Variants in HDAC9 observed in about 807,000 individuals in gnomAD.
HDAC9 encodes MEF-2 interacting transcription repressor (MITR) protein.
HDAC9 carries 41 observed loss-of-function variants against 139.4 expected under a neutral mutation model. The ratio of observed to expected loss-of-function variants is 0.29; its 90% CI spans 0.23 to 0.38. The LOEUF is 0.38. Ranked by LOEUF, HDAC9 falls within the 10% of genes least tolerant of loss-of-function variation. The pLI is 1.00. For missense variants in HDAC9, 1,147 were observed against 1,297.0 expected (o/e 0.88, Z 1.78); for synonymous variants, 517 against 476.2 (o/e 1.09, Z -1.12).
chr7:18,550,270 A>G (rs1816676674), intron 2 of HDAC9, among the ~76,000 whole-genome samples: 1 of 152,062 alleles, frequency 6.6e-6, no homozygotes, highest in South Asian at 2.1e-4. Flanking sequence ...CTATTCTTCT[A>G]TTTTTTACTG....
intron 6 of HDAC9, among the ~76,000 whole-genome samples, chr7:18,603,533 A>G (rs1355944191): frequency 3.3e-5 from 5 of 152,108 alleles, no homozygotes; most frequent in Non-Finnish European, 7.4e-5. Context: ...ACTTTCAAAT[A>G]ACAGTATACC....
intron 22 of HDAC9, among the ~76,000 whole-genome samples, chr7:18,920,794 A>G (rs186793685): frequency 0.014 from 2,155 of 152,234 alleles, 50 homozygotes; most frequent in African/African-American, 0.049. Flanking sequence ...GCTGGATTAC[A>G]TTTATTGATT....
At chr7:18,187,080 A>G (rs1395617529) in intron 2 of HDAC9, among the ~76,000 whole-genome samples, 1 of 152,226 alleles carries the variant, frequency 6.6e-6, no homozygotes, top group East Asian at 1.9e-4. Flanking sequence ...GAATTATAGC[A>G]GTAATAATTT....
chr7:18,255,021 G>A (rs956696589), intron 2 of HDAC9, among the ~76,000 whole-genome samples: 8 of 152,130 alleles, frequency 5.3e-5, no homozygotes, highest in African/African-American at 1.9e-4. Flanking sequence ...TATGATAAAA[G>A]TGACTTGTTT....
intron 13 of HDAC9, among the ~76,000 whole-genome samples, chr7:18,745,956 A>G (rs1787934010): frequency 6.8e-6 from 1 of 146,126 alleles, no homozygotes; most frequent in African/African-American, 2.6e-5. Flanking sequence ...CAGTGGCTCA[A>G]TCACTGCTCA....
At chr7:18,481,549 G>C (rs1271894142) in intron 1 of HDAC9, among the ~76,000 whole-genome samples, 1 of 152,138 alleles carries the variant, frequency 6.6e-6, no homozygotes, top group Non-Finnish European at 1.5e-5. Flanking sequence ...TTTACTTTGA[G>C]TACCAGGGTA....
At chr7:18,422,738 ACACGCG>A (rs1412242058) in intron 1 of HDAC9, among the ~76,000 whole-genome samples, 9 of 18,508 alleles carry the variant, frequency 4.9e-4, no homozygotes, top group South Asian at 4.8e-3. Flanking sequence ...TAAGACACAC[ACACGCG>A]CACACACACA....
chr7:18,136,711 G>C (rs1329949288), intron 1 of HDAC9, among the ~76,000 whole-genome samples: 3 of 151,388 alleles, frequency 2.0e-5, no homozygotes, highest in Non-Finnish European at 4.4e-5. Context: ...CTGTAGCCTT[G>C]TAGTATAGTT....
rs568700230 is a variant in HDAC9 at position 18,396,671 on chromosome 7, C to G, written c.-41-99591C>G. Reference sequence around the variant, plus strand: ...GACAATGCCCCTAAGTTTCACACTCCTTTACGCAGACCAGGCTTAAAAATT... The same window carrying G: ...GACAATGCCCCTAAGTTTCACACTCGTTTACGCAGACCAGGCTTAAAAATT... On this transcript the variant is annotated intron_variant, in intron 1 of 3. Coordinates refer to the HDAC9 transcript ENST00000413509. 4.3e-3 allele frequency among the ~76,000 whole-genome samples: 648 copies of G among 152,244 alleles called. 3 individuals are homozygous for G. Among genetic ancestry groups the G allele is most frequent in the African/African-American group, 0.015 (626 of 41,554 alleles).
intron 2 of HDAC9, among the ~76,000 whole-genome samples, chr7:18,504,990 G>T (rs368400330): frequency 6.6e-6 from 1 of 152,170 alleles, no homozygotes; most frequent in Non-Finnish European, 1.5e-5. Context: ...ATCCTGGGAG[G>T]TTTAAGGCAC....
chr7:18,369,665 C>T (rs564018054), intron 1 of HDAC9, among the ~76,000 whole-genome samples: 2 of 151,952 alleles, frequency 1.3e-5, no homozygotes, highest in South Asian at 2.1e-4. Context: ...TACAGGAGGC[C>T]GATTAGGTCA....
intron 1 of HDAC9, among the ~76,000 whole-genome samples, chr7:18,448,404 A>C (rs1238354999): frequency 6.6e-6 from 1 of 152,246 alleles, no homozygotes; most frequent in Non-Finnish European, 1.5e-5. Context: ...GAAAGCATTA[A>C]AAGAAAAAAT....
At chr7:18,095,185 A>T (rs1782428397) in intron 1 of HDAC9, among the ~76,000 whole-genome samples, 1 of 152,162 alleles carries the variant, frequency 6.6e-6, no homozygotes, top group East Asian at 1.9e-4. Context: ...CACTGGGCCC[A>T]GTGTATGTCC....
At chr7:18,693,868 T>C (rs2129099356) in intron 12 of HDAC9, among the ~76,000 whole-genome samples, 1 of 152,282 alleles carries the variant, frequency 6.6e-6, no homozygotes, top group African/African-American at 2.4e-5. Flanking sequence ...GGGGAGCTCA[T>C]AACTGCTTTT....
At chr7:18,170,198 CT>C (rs1314706566) in intron 2 of HDAC9, among the ~76,000 whole-genome samples, 9 of 152,202 alleles carry the variant, frequency 5.9e-5, no homozygotes, top group Admixed American at 2.6e-4. Flanking sequence ...ATTTGCATTT[CT>C]CTGATGACCA....
At chr7:18,321,877 TA>T (rs969689702) in intron 1 of HDAC9, among the ~76,000 whole-genome samples, 1 of 152,166 alleles carries the variant, frequency 6.6e-6, no homozygotes, top group Non-Finnish European at 1.5e-5. Flanking sequence ...AGAATTTATA[TA>T]AAAAGTAGGG....
intron 1 of HDAC9, among the ~76,000 whole-genome samples, chr7:18,407,609 A>G (rs1334113418): frequency 6.6e-6 from 1 of 152,220 alleles, no homozygotes; most frequent in Non-Finnish European, 1.5e-5. Context: ...GAATGTGGGT[A>G]GGCACTTAAT....
chr7:18,316,723 A>T (rs1344982991), intron 1 of HDAC9, among the ~76,000 whole-genome samples: 4 of 151,800 alleles, frequency 2.6e-5, no homozygotes, highest in Non-Finnish European at 4.4e-5. Flanking sequence ...AAGCTGAAGC[A>T]GGAGGATCGC....
intron 1 of HDAC9, among the ~76,000 whole-genome samples, chr7:18,370,784 G>T (rs1784536643): frequency 2.0e-5 from 3 of 152,180 alleles, no homozygotes; most frequent in African/African-American, 7.2e-5. Flanking sequence ...ATGACAGCCA[G>T]TTGCTTAAAA....
Sources: gnomAD v4.1 joint callset for allele counts (sites outside exome capture counted in the v4.1 genomes callset) on GRCh38, gnomAD v4.1.1 for gene constraint, MANE v1.5 for transcripts, NCBI Gene and HGNC (gene_info 2026-07-23, HGNC 2026-07-21) for gene names.